The following MED28 variants were observed in gnomAD, a reference collection of about 807,000 sequenced individuals.
MED28 encodes mediator of RNA polymerase II transcription subunit 28.
In MED28, 26 loss-of-function variants were observed where a neutral mutation model predicts 21.3. The observed-to-expected ratio is 1.22, with a 90% CI of 0.89 to 1.69. MED28 has a LOEUF of 1.69. Ranked by LOEUF, MED28 falls within the 40% of genes most tolerant of loss-of-function variation. MED28 has a pLI of 0.00. For missense variants in MED28, 257 were observed against 215.4 expected (o/e 1.19, Z -1.21); for synonymous variants, 110 against 87.6 (o/e 1.26, Z -1.43).
At position 17,632,800 on chromosome 4, in the gene MED28, G is replaced by A; in HGVS notation, c.*9002G>A. ...ATTGTAAAGGATGGGGCTGGGGAGG[G>A]AGTACCTAATCCTCATTTGGAAAAC... On this transcript the variant is annotated 3_prime_UTR_variant, in exon 4 of 4. Coordinates refer to ENST00000237380, the MANE Select transcript of MED28 (RefSeq NM_025205.5). 1.9e-6 allele frequency: 1 copy of A among 528,938 alleles called. No individual in the cohort carries two copies. The highest frequency in any genetic ancestry group is 3.4e-6 in the Non-Finnish European group (1 of 293,260). 32.8% of individuals were successfully genotyped at this position (528,938 alleles called of 1,614,324 possible). A position where few individuals can be genotyped will look rare whatever the true frequency, so the allele number is the denominator to read the frequency against.
At chr4:17,619,503 G>C (rs1469860216) in intron 1 of MED28, among the ~76,000 whole-genome samples, 1 of 152,198 alleles carries the variant, frequency 6.6e-6, no homozygotes, top group Non-Finnish European at 1.5e-5. Flanking sequence ...GCACAGTTTA[G>C]AAAGGGTAGA....
In MED28 at chr4:17,614,685, G is replaced by T. The variant is rs774099148; in HGVS notation, c.31G>T (p.Gly11Trp). MAAPLGGMFS[G>W]QPPGPPQAPP... ...GGCTCCACTAGGGGGTATGTTTTCT[G>T]GGCAGCCACCCGGTCCCCCTCAGGC... Residue 11 changes from glycine (G) to tryptophan (W), a missense_variant, in exon 1 of 4, where the codon GGG becomes TGG. Gly to Trp is a radical substitution (Grantham distance 184). Coordinates refer to ENST00000237380, the MANE Select transcript of MED28 (RefSeq NM_025205.5). 1 of 1,613,490 alleles carries T rather than the reference G, an allele frequency of 6.2e-7. No homozygotes were observed. Among genetic ancestry groups the T allele is most frequent in the Non-Finnish European group, 8.5e-7 (1 of 1,179,912 alleles).
In MED28 at chr4:17,614,747, G is replaced by A; in HGVS notation, c.93G>A (p.Gln31=). Residue 31 remains glutamine, a synonymous_variant, in exon 1 of 4, where the codon CAG becomes CAA. Transcript: ENST00000237380. ...TTCCGGGCCAAGCTTCGCTTCTTCA[G>A]GCAGCTCCAGGCGCTCCTAGACCTT... is the stretch of plus-strand genomic sequence containing the variant. ...PGLPGQASLL[Q]AAPGAPRPSS... 1.2e-6 allele frequency: 2 copies of A among 1,614,266 alleles called. No homozygotes were observed. Among genetic ancestry groups the A allele is most frequent in the Non-Finnish European group, 1.7e-6 (2 of 1,180,046 alleles).
Position 17,628,073 on chromosome 4 carries a change from C to T in MED28, c.*4275C>T, listed in dbSNP as rs1714813462. On this transcript the variant is annotated 3_prime_UTR_variant, in exon 4 of 4. Coordinates refer to ENST00000237380, the MANE Select transcript of MED28 (RefSeq NM_025205.5). ...TCAGAAGCTGACAACACTGTTCGGT[C>T]ATGCCATTCTCCTGTTGGACATAAA... is the stretch of plus-strand genomic sequence containing the variant. The T allele has an allele frequency of 6.6e-6, 1 of 152,174 alleles. No individual in the cohort carries two copies. The highest frequency in any genetic ancestry group is 2.1e-4 in the South Asian group (1 of 4,830). 9.4% of individuals were successfully genotyped at this position (152,174 alleles called of 1,614,324 possible).
At chr4:17,618,848 A>G (rs1004366875) in intron 1 of MED28, among the ~76,000 whole-genome samples, 3 of 152,188 alleles carry the variant, frequency 2.0e-5, no homozygotes, top group Non-Finnish European at 2.9e-5. Context: ...CCAGGAGTCA[A>G]TGTTCAAAGT....
intron 2 of MED28, 98 bp downstream of exon 2, chr4:17,620,065 A>G (rs930622546): frequency 1.8e-6 from 2 of 1,121,682 alleles, no homozygotes; most frequent in African/African-American, 1.5e-5. Flanking sequence ...CTTTTATCCT[A>G]AGACAACATT....
intron 1 of MED28, among the ~76,000 whole-genome samples, chr4:17,618,088 T>C (rs1016525338): frequency 6.8e-6 from 1 of 146,366 alleles, no homozygotes; most frequent in African/African-American, 2.5e-5. Context: ...GTTGGGTCAC[T>C]GCAACCTCCA....
chr4:17,620,026 A>G lies in MED28; in HGVS notation c.226+59A>G, dbSNP rs377348442. The G allele has an allele frequency of 1.7e-5, 24 of 1,427,966 alleles. No homozygotes were observed. The Admixed American group carries it at 2.2e-4, about 13-fold the overall frequency. 88.5% of individuals were successfully genotyped at this position (1,427,966 alleles called of 1,614,324 possible). A position where few individuals can be genotyped will look rare whatever the true frequency, so the allele number is the denominator to read the frequency against. On this transcript the variant is annotated intron_variant, in intron 2 of 3. Transcript: ENST00000237380. Reference sequence around the variant, plus strand: ...GCTTCAGCAGTATTTCCTAGTTGCTAATTTTATACTTCATGTGTTTCAGTC... The same window carrying G: ...GCTTCAGCAGTATTTCCTAGTTGCTGATTTTATACTTCATGTGTTTCAGTC...
rs1242492892 is a variant in MED28 at position 17,623,633 on chromosome 4, G to A, written c.372G>A (p.Arg124=). ...DVSELRNELQ[R]KDALVQKHLT... ...CAGAACTAAGGAATGAATTACAGCG[G>A]AAAGATGCACTAGTCCAGAAGCACT... Residue 124 remains arginine, a synonymous_variant, in exon 4 of 4, where the codon CGG becomes CGA. Transcript: ENST00000237380. The A allele has an allele frequency of 4.3e-6, 7 of 1,614,058 alleles. No homozygotes were observed. Among genetic ancestry groups the A allele is most frequent in the Non-Finnish European group, 5.9e-6 (7 of 1,180,036 alleles).
chr4:17,622,591 G>A (rs536337117), intron 3 of MED28, among the ~76,000 whole-genome samples: 3 of 152,254 alleles, frequency 2.0e-5, no homozygotes, highest in South Asian at 4.1e-4. Flanking sequence ...GTAAACAGTT[G>A]TTAACAAATG....
chr4:17,632,399 A>G lies in MED28; in HGVS notation c.*8601A>G, dbSNP rs1386677419. The G allele has an allele frequency of 4.2e-6, 3 of 715,374 alleles. No homozygotes were observed. The highest frequency in any genetic ancestry group is 6.7e-6 in the Non-Finnish European group (3 of 444,478). 44.3% of individuals were successfully genotyped at this position (715,374 alleles called of 1,614,324 possible). On this transcript the variant is annotated 3_prime_UTR_variant, in exon 4 of 4. Coordinates refer to ENST00000237380, the MANE Select transcript of MED28 (RefSeq NM_025205.5). ...AGAACAGTATGAAGTGTTAACGCCA[A>G]AATTTGTTTTAGCTATCATATATAA... is the stretch of plus-strand genomic sequence containing the variant.
chr4:17,625,743 G>T lies in MED28; in HGVS notation c.*1945G>T, dbSNP rs1386391200. 2.3e-6 allele frequency: 1 copy of T among 431,692 alleles called. No homozygotes were observed. The highest frequency in any genetic ancestry group is 4.6e-6 in the Non-Finnish European group (1 of 218,586). 26.7% of individuals were successfully genotyped at this position (431,692 alleles called of 1,614,324 possible). The stretch of plus-strand genomic sequence containing the variant: ...AGAAAATCACAAGCCATCTTCTCAA[G>T]TTCCCCTAGAAACCTGTGGAATGCC... On this transcript the variant is annotated 3_prime_UTR_variant, in exon 4 of 4. Transcript: ENST00000237380.
At chr4:17,622,132 G>A (rs1357694874) in intron 3 of MED28, among the ~76,000 whole-genome samples, 4 of 152,170 alleles carry the variant, frequency 2.6e-5, no homozygotes, top group Admixed American at 6.5e-5. Context: ...TCAGGATTTC[G>A]TTGATCTCAG....
rs1714848212 is a variant in MED28, at chr4:17,628,978, T to C, written c.*5180T>C. ...GATAGTGAGGAACTGATGAGGTGAC[T>C]GTGAGTGCCCGGGGCCTCTGTCGTT... On this transcript the variant is annotated 3_prime_UTR_variant, in exon 4 of 4. Transcript: ENST00000237380. 1 of 152,454 alleles carries C rather than the reference T, an allele frequency of 6.6e-6. No individual in the cohort carries two copies. The highest frequency in any genetic ancestry group is 2.4e-5 in the African/African-American group (1 of 41,446). 9.4% of individuals were successfully genotyped at this position (152,454 alleles called of 1,614,324 possible).
Position 17,632,044 on chromosome 4 carries a change from T to TA in MED28, c.*8246_*8247insA. 7.7e-4 allele frequency: 1 copy of TA among 1,302 alleles called. No individual in the cohort carries two copies. The highest frequency in any genetic ancestry group is 2.6e-3 in the African/African-American group (1 of 378). The allele number at this position is 1,302 out of a possible 1,614,324, so 0.1% of individuals were successfully genotyped here. A position where few individuals can be genotyped will look rare whatever the true frequency, so the allele number is the denominator to read the frequency against. On this transcript the variant is annotated 3_prime_UTR_variant, in exon 4 of 4. Transcript: ENST00000237380. ...TTTAATAACACTGGTTTAATGTCAA[T>TA]TTTTTTTTTTTTTTTTTTTTTTTTT...
At position 17,624,188 on chromosome 4, in the gene MED28, A is replaced by G. The variant is rs1419372794; in HGVS notation, c.*390A>G. 1 of 218,812 alleles carries G rather than the reference A, an allele frequency of 4.6e-6. No homozygotes were observed. Among genetic ancestry groups the G allele is most frequent in the Admixed American group, 5.2e-5 (1 of 19,212 alleles). 13.6% of individuals were successfully genotyped at this position (218,812 alleles called of 1,614,324 possible). On this transcript the variant is annotated 3_prime_UTR_variant, in exon 4 of 4. Transcript: ENST00000237380. ...AGTAGCCTGAGAATCAGGAGATGGGAGTTTTAGTCGTAGGCCTTATGATAA... is the reference window on the plus strand; with the variant it reads ...AGTAGCCTGAGAATCAGGAGATGGGGGTTTTAGTCGTAGGCCTTATGATAA...
intron 3 of MED28, among the ~76,000 whole-genome samples, chr4:17,622,350 C>G (rs1339343361): frequency 1.3e-5 from 2 of 152,056 alleles, no homozygotes; most frequent in Non-Finnish European, 2.9e-5. Flanking sequence ...GTAACTAGTC[C>G]CAATTAATCA....
chr4:17,631,521 T>C lies in MED28; in HGVS notation c.*7723T>C, dbSNP rs1714943623. 6.6e-6 allele frequency: 1 copy of C among 152,238 alleles called. No homozygotes were observed. Among genetic ancestry groups the C allele is most frequent in the Non-Finnish European group, 1.5e-5 (1 of 68,034 alleles). The allele number at this position is 152,238 out of a possible 1,614,324, so 9.4% of individuals were successfully genotyped here. On this transcript the variant is annotated 3_prime_UTR_variant, in exon 4 of 4. Coordinates refer to ENST00000237380, the MANE Select transcript of MED28 (RefSeq NM_025205.5). Reference sequence around the variant, plus strand: ...CTAGAGACCTTCACAAGTGATCATGTTGGCACTATGGTCATTACACTGAGA... The same window carrying C: ...CTAGAGACCTTCACAAGTGATCATGCTGGCACTATGGTCATTACACTGAGA...
chr4:17,633,929 AAAACAAAAT>A lies in MED28; in HGVS notation c.*10135_*10143del. 1 of 1,299,546 alleles carries A rather than the reference AAAACAAAAT, an allele frequency of 7.7e-7. No homozygotes were observed. The highest frequency in any genetic ancestry group is 1.9e-5 in the South Asian group (1 of 52,814). The allele number at this position is 1,299,546 out of a possible 1,614,324, so 80.5% of individuals were successfully genotyped here. A position where few individuals can be genotyped will look rare whatever the true frequency, so the allele number is the denominator to read the frequency against. ...GACAGGTTAGTGCAATGCAATGCAA[AAAACAAAAT>A]AAAGCATTATTGTAAAAGCAAATAA... On this transcript the variant is annotated 3_prime_UTR_variant, in exon 4 of 4. Transcript: ENST00000237380.
Sources: gnomAD v4.1 joint callset for allele counts (sites outside exome capture counted in the v4.1 genomes callset) on GRCh38, gnomAD v4.1.1 for gene constraint, MANE v1.5 for transcripts, NCBI Gene and HGNC (gene_info 2026-07-23, HGNC 2026-07-21) for gene names.